Variants in ST18 observed in about 807,000 individuals in gnomAD.
ST18 encodes suppression of tumorigenicity 18 protein.
Under a neutral mutation model 110.0 loss-of-function variants are expected in ST18, and 50 were observed. The observed-to-expected ratio is 0.45, with a 90% CI of 0.36 to 0.58. ST18 has a LOEUF of 0.58. ST18 is among the 20% of genes least tolerant of loss of function. The pLI, the probability that ST18 is intolerant of heterozygous loss-of-function variation, is 0.00. For missense variants in ST18, 1,306 were observed against 1,280.1 expected (o/e 1.02, Z -0.31); for synonymous variants, 461 against 452.4 (o/e 1.02, Z -0.24).
intron 18 of ST18, among the ~76,000 whole-genome samples, chr8:52,136,975 G>A (rs1272182053): frequency 6.6e-6 from 1 of 152,186 alleles, no homozygotes; most frequent in Non-Finnish European, 1.5e-5. Flanking sequence ...AGGTGATGGT[G>A]CTTTTCCAAG....
intron 2 of ST18, chr8:52,405,070 T>C (rs1389638423): frequency 6.6e-6 from 1 of 152,250 alleles, no homozygotes; most frequent in Non-Finnish European, 1.5e-5. Context: ...TATACAAACG[T>C]TATGCTTATT....
At chr8:52,136,049 C>T (rs1276466972) in intron 19 of ST18, among the ~76,000 whole-genome samples, 5 of 151,982 alleles carry the variant, frequency 3.3e-5, no homozygotes, top group Admixed American at 3.3e-4. Context: ...TGAAAATAAA[C>T]AAATGAGAAC....
intron 23 of ST18, among the ~76,000 whole-genome samples, chr8:52,122,795 T>C (rs2130943772): frequency 6.6e-6 from 1 of 151,540 alleles, no homozygotes; most frequent in African/African-American, 2.4e-5. Flanking sequence ...CGAACTTTTA[T>C]TTTTAAATTG....
intron 2 of ST18, among the ~76,000 whole-genome samples, chr8:52,336,892 C>T (rs996927560): frequency 5.3e-5 from 8 of 152,192 alleles, no homozygotes; most frequent in African/African-American, 1.7e-4. Flanking sequence ...AGAGTGACCC[C>T]TACCATGCCC....
intron 2 of ST18, among the ~76,000 whole-genome samples, chr8:52,287,349 T>A (rs1043018575): frequency 2.0e-5 from 3 of 152,190 alleles, no homozygotes; most frequent in Non-Finnish European, 4.4e-5. Flanking sequence ...TATTAACCAG[T>A]TTCTTTTTCT....
At chr8:52,204,467 G>A (rs62501007) in intron 8 of ST18, among the ~76,000 whole-genome samples, 33,796 of 152,098 alleles carry the variant, frequency 0.22, 4,368 homozygotes, top group African/African-American at 0.35. Flanking sequence ...AGGGGATGCC[G>A]TGGTTCTGAG....
At chr8:52,245,502 C>G (rs968546387) in intron 2 of ST18, among the ~76,000 whole-genome samples, 1 of 151,942 alleles carries the variant, frequency 6.6e-6, no homozygotes, top group Non-Finnish European at 1.5e-5. Context: ...CATGAAGGAA[C>G]CTCAAAATTT....
At chr8:52,171,612 T>C (rs944673100) in intron 10 of ST18, 180 bp downstream of exon 10, 11 of 737,580 alleles carry the variant, frequency 1.5e-5, no homozygotes, top group Middle Eastern at 2.3e-4. Flanking sequence ...CACAGCTTGA[T>C]TGGAGGATAA....
At chr8:52,148,878 GC>G (rs2058086747) in intron 16 of ST18, among the ~76,000 whole-genome samples, 1 of 152,120 alleles carries the variant, frequency 6.6e-6, no homozygotes, top group Admixed American at 6.5e-5. Flanking sequence ...GCTGTAAAAG[GC>G]GCTGCACACT....
intron 2 of ST18, among the ~76,000 whole-genome samples, chr8:52,287,158 T>C (rs2095484300): frequency 6.6e-6 from 1 of 152,160 alleles, no homozygotes; most frequent in Non-Finnish European, 1.5e-5. Flanking sequence ...AACAGCAGGA[T>C]GGATATATGA....
chr8:52,299,726 T>C (rs1304430612), intron 2 of ST18, among the ~76,000 whole-genome samples: 2 of 152,262 alleles, frequency 1.3e-5, no homozygotes, highest in African/African-American at 4.8e-5. Flanking sequence ...CCACTTTAAA[T>C]TAAATTCTCA....
At chr8:52,307,920 G>A (rs1234994346) in intron 2 of ST18, among the ~76,000 whole-genome samples, 1 of 152,296 alleles carries the variant, frequency 6.6e-6, no homozygotes, top group East Asian at 1.9e-4. Flanking sequence ...ATTTTCACGT[G>A]TACAATGAAG....
chr8:52,215,442 T>A (rs2083802260), intron 6 of ST18, among the ~76,000 whole-genome samples: 1 of 152,246 alleles, frequency 6.6e-6, no homozygotes, highest in Non-Finnish European at 1.5e-5. Context: ...ATAGACTATT[T>A]ATCCATTGTG....
chr8:52,170,623 A>G (rs773610240), intron 10 of ST18, among the ~76,000 whole-genome samples: 38 of 152,254 alleles, frequency 2.5e-4, no homozygotes, highest in Non-Finnish European at 5.3e-4. Context: ...AGTTAAATAC[A>G]ATAAGTTGCA....
intron 8 of ST18, among the ~76,000 whole-genome samples, chr8:52,206,167 T>C (rs937985991): frequency 1.3e-5 from 2 of 152,072 alleles, no homozygotes; most frequent in Non-Finnish European, 2.9e-5. Context: ...ACTTAGCACA[T>C]GAGTAAATGC....
intron 16 of ST18, among the ~76,000 whole-genome samples, chr8:52,144,623 C>T (rs1056331691): frequency 2.6e-5 from 4 of 152,070 alleles, no homozygotes. Flanking sequence ...TGATTTAGTA[C>T]AATTTATCCA....
intron 2 of ST18, among the ~76,000 whole-genome samples, chr8:52,338,245 A>G (rs1481118785): frequency 2.6e-5 from 4 of 151,776 alleles, no homozygotes; most frequent in Non-Finnish European, 5.9e-5. Context: ...TTTAGTAGAG[A>G]TAGAGTTTCA....
chr8:52,152,709 G>C (rs567101844), intron 15 of ST18, among the ~76,000 whole-genome samples: 3 of 152,262 alleles, frequency 2.0e-5, no homozygotes, highest in African/African-American at 7.2e-5. Context: ...TAGATTTTTA[G>C]TGAAGGTAAT....
intron 5 of ST18, among the ~76,000 whole-genome samples, chr8:52,220,401 A>G (rs1477359768): frequency 6.6e-6 from 1 of 152,160 alleles, no homozygotes; most frequent in East Asian, 1.9e-4. Context: ...CTTAATCCAT[A>G]AACAAACTAA....
Sources: gnomAD v4.1 joint callset for allele counts (sites outside exome capture counted in the v4.1 genomes callset) on GRCh38, gnomAD v4.1.1 for gene constraint, MANE v1.5 for transcripts, NCBI Gene and HGNC (gene_info 2026-07-23, HGNC 2026-07-21) for gene names.